FAM111B: variants seen among roughly 807,000 people sequenced by gnomAD.
FAM111B encodes serine protease FAM111B.
A neutral mutation model predicts 2.8 loss-of-function variants in FAM111B; 1 was observed. The ratio of observed to expected loss-of-function variants is 0.36; its 90% confidence interval spans 0.13 to 1.70. FAM111B has a LOEUF of 1.70. Ranked by LOEUF, FAM111B falls within the 40% of genes most tolerant of loss-of-function variation. FAM111B has a pLI of 0.35. For synonymous variants in FAM111B, 297 were observed against 295.6 expected (o/e 1.00, Z -0.05); for missense variants, 882 against 878.9 (o/e 1.00, Z -0.04).
At chr11:59,119,056 A>G (rs1265621989) in intron 3 of FAM111B, among the ~76,000 whole-genome samples, 1 of 152,106 alleles carries the variant, frequency 6.6e-6, no homozygotes, top group African/African-American at 2.4e-5. Context: ...TGTTTTCCCT[A>G]TGTCTGGTGG....
At position 59,124,930 on chromosome 11, in the gene FAM111B, A is replaced by G. The variant is rs1486166788; in HGVS notation, c.833A>G (p.Asp278Gly). The change falls in exon 4 of 4, where the codon GAT becomes GGT. Residue 278 changes from aspartate (D) to glycine (G), a missense_variant. Coordinates refer to ENST00000343597, the MANE Select transcript of FAM111B (RefSeq NM_198947.4). ...AAAAAAAAAGCATTACAACAGAAAGATATCCATAAAAAAATTAAACAGAAT... is the reference window on the plus strand; with the variant it reads ...AAAAAAAAAGCATTACAACAGAAAGGTATCCATAAAAAAATTAAACAGAAT... ...ISKKKALQQK[D>G]IHKKIKQNES... The G allele has an allele frequency of 1.9e-6, 3 of 1,606,018 alleles. No homozygotes were observed. The highest frequency in any genetic ancestry group is 2.5e-6 in the Non-Finnish European group (3 of 1,177,950).
intron 3 of FAM111B, among the ~76,000 whole-genome samples, chr11:59,111,647 G>A (rs1248680173): frequency 1.3e-5 from 2 of 152,084 alleles, no homozygotes; most frequent in East Asian, 1.9e-4. Context: ...GTTATATCAC[G>A]TGTCAAGTAC....
At position 59,126,488 on chromosome 11, in the gene FAM111B, C is replaced by G. The variant is rs1565192026; in HGVS notation, c.*186C>G. ...CCTACGGAATGGGAGAAAATATTTG[C>G]AAACTATGCATACAGCAAAGATCTA... is the stretch of plus-strand genomic sequence containing the variant. On this transcript the variant is annotated 3_prime_UTR_variant, in exon 4 of 4. Coordinates refer to ENST00000343597, the MANE Select transcript of FAM111B (RefSeq NM_198947.4). 9 of 474,840 alleles carry G rather than the reference C, an allele frequency of 1.9e-5. No homozygotes were observed. The highest frequency in any genetic ancestry group is 2.6e-5 in the Non-Finnish European group (7 of 274,438). The allele number at this position is 474,840 out of a possible 1,614,324, so 29.4% of individuals were successfully genotyped here.
intron 1 of FAM111B, among the ~76,000 whole-genome samples, chr11:59,107,791 C>G (rs1485141745): frequency 6.6e-6 from 1 of 152,148 alleles, no homozygotes; most frequent in African/African-American, 2.4e-5. Flanking sequence ...CCACCCAACA[C>G]TACATGTGCC....
intron 3 of FAM111B, among the ~76,000 whole-genome samples, chr11:59,114,840 T>G (rs1859815381): frequency 1.3e-5 from 2 of 151,866 alleles, no homozygotes; most frequent in Admixed American, 1.3e-4. Flanking sequence ...GTGTGTGTGT[T>G]TTGATATGGG....
intron 3 of FAM111B, among the ~76,000 whole-genome samples, chr11:59,110,780 A>T (rs974305415): frequency 1.3e-5 from 2 of 152,184 alleles, no homozygotes; most frequent in African/African-American, 4.8e-5. Context: ...AGTCGTGTAC[A>T]CAGGAAAACA....
rs142145998 is a variant in FAM111B, at chr11:59,125,938, A to G, written c.1841A>G (p.Tyr614Cys). ...NDCQDGLVDL[Y>C]DTTSNVYCMF... ...TGTCAAGATGGGTTGGTAGATCTCT[A>G]TGATACCACCAGTAATGTATACTGT... Residue 614 changes from tyrosine (Y) to cysteine (C), a missense_variant, in exon 4 of 4, where the codon TAT becomes TGT. Tyr to Cys is a radical substitution (Grantham distance 194). Transcript: ENST00000343597. 68 of 1,613,692 alleles carry G rather than the reference A, an allele frequency of 4.2e-5. No homozygotes were observed. The highest frequency in any genetic ancestry group is 1.2e-4 in the Admixed American group (7 of 59,978).
chr11:59,110,199 A>G (rs1306421274), intron 3 of FAM111B, among the ~76,000 whole-genome samples: 1 of 152,184 alleles, frequency 6.6e-6, no homozygotes, highest in Non-Finnish European at 1.5e-5. Context: ...TTTTTGACCC[A>G]CACTATTTTG....
At position 59,126,895 on chromosome 11, in the gene FAM111B, G is replaced by A. The variant is rs2154627; in HGVS notation, c.*593G>A. ...CCAGCAATCTCATGACTGGGTATATGTCCAAAGGAATATAAATTGTTCTAC... is the reference window on the plus strand; with the variant it reads ...CCAGCAATCTCATGACTGGGTATATATCCAAAGGAATATAAATTGTTCTAC... On this transcript the variant is annotated 3_prime_UTR_variant, in exon 4 of 4. Coordinates refer to ENST00000343597, the MANE Select transcript of FAM111B (RefSeq NM_198947.4). 8,279 of 158,662 alleles carry A rather than the reference G, an allele frequency of 0.052. 561 individuals are homozygous for A. The highest frequency in any genetic ancestry group is 0.2 in the East Asian group (1,014 of 5,180). 9.8% of individuals were successfully genotyped at this position (158,662 alleles called of 1,614,324 possible). A position where few individuals can be genotyped will look rare whatever the true frequency, so the allele number is the denominator to read the frequency against.
chr11:59,124,657 ATGT>A lies in FAM111B; in HGVS notation c.566_568del (p.Val189del). On this transcript the variant is annotated inframe_deletion, in exon 4 of 4. Coordinates refer to ENST00000343597, the MANE Select transcript of FAM111B (RefSeq NM_198947.4). ...CCAAACATGGAATGCATTCTTTTTC[ATGT>A]TGTTGCTATAGGAAGGACAAGAAAG... The A allele has an allele frequency of 6.2e-7, 1 of 1,613,882 alleles. No homozygotes were observed. The highest frequency in any genetic ancestry group is 8.5e-7 in the Non-Finnish European group (1 of 1,179,838).
chr11:59,126,252 A>C lies in FAM111B; in HGVS notation c.2155A>C (p.Lys719Gln). Residue 719 changes from lysine to glutamine, a missense_variant, in exon 4 of 4, where the codon AAA becomes CAA. Physicochemically the swap from Lys to Gln is moderately conservative, Grantham distance 53 (BLOSUM62 1). Transcript: ENST00000343597. ...KLETYDEEKG[K>Q]QESSLQDHQI... ...TGAGACCTACGATGAAGAGAAAGGT[A>C]AACAAGAGTCATCACTTCAAGATCA... is the stretch of plus-strand genomic sequence containing the variant. 6.3e-7 allele frequency: 1 copy of C among 1,586,004 alleles called. No individual in the cohort carries two copies. The highest frequency in any genetic ancestry group is 8.5e-7 in the Non-Finnish European group (1 of 1,170,752).
rs767388540 is a variant in FAM111B at position 59,124,838 on chromosome 11, G to A, written c.741G>A (p.Lys247=). ...AATGGAAACTAAAGGAAGGTCATAAGAAAATTTATGGAAAACAGTCCATGG... is the reference window on the plus strand; with the variant it reads ...AATGGAAACTAAAGGAAGGTCATAAAAAAATTTATGGAAAACAGTCCATGG... ...EFEWKLKEGH[K]KIYGKQSMVD... Residue 247 remains lysine, a synonymous_variant, in exon 4 of 4, where the codon AAG becomes AAA. Coordinates refer to ENST00000343597, the MANE Select transcript of FAM111B (RefSeq NM_198947.4). 7.4e-6 allele frequency: 12 copies of A among 1,613,504 alleles called. No homozygotes were observed. In the South Asian group the frequency reaches 1.2e-4, roughly 16 times the overall value.
At chr11:59,122,845 C>T (rs1859944931) in intron 3 of FAM111B, among the ~76,000 whole-genome samples, 1 of 152,120 alleles carries the variant, frequency 6.6e-6, no homozygotes, top group African/African-American at 2.4e-5. Flanking sequence ...AAGACCTAAG[C>T]TCATTCCATT....
intron 1 of FAM111B, among the ~76,000 whole-genome samples, chr11:59,108,218 T>A (rs1459662348): frequency 6.6e-6 from 1 of 152,166 alleles, no homozygotes; most frequent in African/African-American, 2.4e-5. Flanking sequence ...GTCCTTAATC[T>A]AGAAATGAGG....
chr11:59,117,907 T>C (rs1319553318), intron 3 of FAM111B, among the ~76,000 whole-genome samples: 1 of 152,074 alleles, frequency 6.6e-6, no homozygotes, highest in Non-Finnish European at 1.5e-5. Flanking sequence ...AACGAAAGCA[T>C]AGATTTATTG....
chr11:59,116,213 T>C (rs1198934737), intron 3 of FAM111B, among the ~76,000 whole-genome samples: 3 of 152,140 alleles, frequency 2.0e-5, no homozygotes, highest in Non-Finnish European at 4.4e-5. Flanking sequence ...TCCTCCTTAT[T>C]ATTCCTCAGT....
chr11:59,114,392 G>GCCACTGTTGTGGCATCCATCACA (rs1859808359), intron 3 of FAM111B, among the ~76,000 whole-genome samples: 1 of 152,172 alleles, frequency 6.6e-6, no homozygotes. Flanking sequence ...AAACATCCAG[G>GCCACTGTTGTGGCATCCATCACA]CTAAAGAGGA....
At chr11:59,109,982 A>G (rs1859733986) in intron 3 of FAM111B, 4 of 215,430 alleles carry the variant, frequency 1.9e-5, no homozygotes, top group Non-Finnish European at 2.8e-5. Context: ...TAATTAGCTA[A>G]TGTTTTCTGA....
At chr11:59,122,559 G>C (rs1005495195) in intron 3 of FAM111B, among the ~76,000 whole-genome samples, 4 of 152,134 alleles carry the variant, frequency 2.6e-5, no homozygotes, top group Admixed American at 6.5e-5. Flanking sequence ...CTATTCACAG[G>C]ATACTAGCTT....
Sources: allele counts gnomAD v4.1 joint callset (sites outside exome capture counted in the v4.1 genomes callset), GRCh38; gene constraint gnomAD v4.1.1; transcripts MANE v1.5; gene names NCBI Gene and HGNC (gene_info 2026-07-23, HGNC 2026-07-21).